Variants in ACBD4 observed in about 807,000 individuals in gnomAD.
ACBD4 encodes acyl-CoA binding domain containing 4, also known as acyl-CoA-binding domain-containing protein 4.
In ACBD4, 41 loss-of-function variants were observed where a neutral mutation model predicts 46.0. The observed-to-expected ratio is 0.89, with a 90% CI of 0.69 to 1.16. ACBD4 has a LOEUF of 1.16. ACBD4 is among the 50% of genes most tolerant of loss of function. ACBD4 has a pLI of 0.00. For missense variants in ACBD4, 393 were observed against 399.5 expected (o/e 0.98, Z 0.14); for synonymous variants, 162 against 155.9 (o/e 1.04, Z -0.29).
rs369967440 is a variant in ACBD4, at chr17:45,137,156, G to A, written c.415+17G>A. Reference sequence around the variant, plus strand: ...GGGTCACAGGTCAGACTCCCAGGCTGGGAGCTCCAAAAGTGCTGAGTGAAC... The same window carrying A: ...GGGTCACAGGTCAGACTCCCAGGCTAGGAGCTCCAAAAGTGCTGAGTGAAC... On this transcript the variant is annotated intron_variant, in intron 5 of 9. Coordinates refer to ENST00000321854, the MANE Select transcript of ACBD4 (RefSeq NM_001135705.3). 3.7e-6 allele frequency: 6 copies of A among 1,613,826 alleles called. No individual in the cohort carries two copies. In the African/African-American group the frequency reaches 6.7e-5, roughly 18 times the overall value.
Position 45,143,813 on chromosome 17 carries a change from A to G in ACBD4, c.*242A>G. 1 of 626,640 alleles carries G rather than the reference A, an allele frequency of 1.6e-6. No homozygotes were observed. Among genetic ancestry groups the G allele is most frequent in the South Asian group, 2.1e-5 (1 of 48,168 alleles). 38.8% of individuals were successfully genotyped at this position (626,640 alleles called of 1,614,324 possible). A position where few individuals can be genotyped will look rare whatever the true frequency, so the allele number is the denominator to read the frequency against. On this transcript the variant is annotated 3_prime_UTR_variant, in exon 10 of 10. Coordinates refer to ENST00000321854, the MANE Select transcript of ACBD4 (RefSeq NM_001135705.3). ...CCCTGGGAGGCTGCAGTTGTGGTAC[A>G]CGTCCCCGGTGCTGGGTTGGCCGTG... is the stretch of plus-strand genomic sequence containing the variant.
chr17:45,139,080 G>C lies in ACBD4; in HGVS notation c.709G>C (p.Val237Leu), dbSNP rs762429455. 1 of 1,613,896 alleles carries C rather than the reference G, an allele frequency of 6.2e-7. No homozygotes were observed. Among genetic ancestry groups the C allele is most frequent in the Non-Finnish European group, 8.5e-7 (1 of 1,180,028 alleles). ...QELDVWLLGT[V>L]RALQESMQEV... is the part of the protein sequence containing the mutation. ...GTTGGACGTGTGGCTGCTGGGGACA[G>C]TTCGAGCACTACAGGAGAGCATGCA... The change falls in exon 9 of 10, where the codon GTT becomes CTT. Residue 237 changes from valine (V) to leucine (L), a missense_variant. Val to Leu is a conservative substitution (Grantham distance 32). Coordinates refer to ENST00000321854, the MANE Select transcript of ACBD4 (RefSeq NM_001135705.3).
upstream of ACBD4, among the ~76,000 whole-genome samples, chr17:45,134,067 T>C (rs1376834471): frequency 1.3e-5 from 2 of 152,224 alleles, no homozygotes; most frequent in Admixed American, 6.5e-5. Context: ...ATCAAGGTAA[T>C]TGAAGTAACC....
intron 9 of ACBD4, chr17:45,142,554 CTTTTTTTTTT>C: frequency 5.9e-6 from 1 of 170,498 alleles, no homozygotes; most frequent in Admixed American, 7.1e-5. Flanking sequence ...CACAGTAATT[CTTTTTTTTTT>C]TTTTTTTTTG....
intron 8 of ACBD4, among the ~76,000 whole-genome samples, chr17:45,138,736 C>T (rs906501309): frequency 2.7e-5 from 4 of 150,852 alleles, no homozygotes; most frequent in African/African-American, 7.3e-5. Flanking sequence ...TGCAGTGAGC[C>T]GAGGTCATTG....
Position 45,136,101 on chromosome 17 carries a change from C to A in ACBD4, c.-37-7C>A. ...AGGCCCCCTCACACGAAGGCTGCTT[C>A]TTGCAGAGTCGCTCAAAAGTAGGGC... On this transcript the variant is annotated splice_region_variant and splice_polypyrimidine_tract_variant and intron_variant, in intron 1 of 9. Coordinates refer to ENST00000321854, the MANE Select transcript of ACBD4 (RefSeq NM_001135705.3). 1 of 1,603,682 alleles carries A rather than the reference C, an allele frequency of 6.2e-7. No homozygotes were observed. The highest frequency in any genetic ancestry group is 1.1e-5 in the South Asian group (1 of 90,760).
Position 45,137,025 on chromosome 17 carries a change from G to A in ACBD4, c.301G>A (p.Asp101Asn), listed in dbSNP as rs1169003693. 1.1e-5 allele frequency: 18 copies of A among 1,613,966 alleles called. No individual in the cohort carries two copies. The highest frequency in any genetic ancestry group is 4.5e-5 in the East Asian group (2 of 44,898). ...CAGACCCCCTCCCCTACAGGTGATC[G>A]ACACAGTGCCCCTGGGTGAGGTGGC... is the stretch of plus-strand genomic sequence containing the variant. ...EMKLVAQKVI[D>N]TVPLGEVAED... The change falls in exon 5 of 10, where the codon GAC becomes AAC. Residue 101 changes from aspartate (D) to asparagine (N), a missense_variant. Physicochemically the swap from Asp to Asn is conservative, Grantham distance 23. Coordinates refer to ENST00000321854, the MANE Select transcript of ACBD4 (RefSeq NM_001135705.3).
At chr17:45,138,194 G>C (rs1025056689) in intron 8 of ACBD4, 1 of 620,974 alleles carries the variant, frequency 1.6e-6, no homozygotes, top group Non-Finnish European at 2.8e-6. Flanking sequence ...CTCCCCAAAG[G>C]GCACCCAGGA....
At chr17:45,139,633 G>T (rs2055137083) in intron 9 of ACBD4, among the ~76,000 whole-genome samples, 1 of 152,162 alleles carries the variant, frequency 6.6e-6, no homozygotes, top group African/African-American at 2.4e-5. Flanking sequence ...GCCATTGCTG[G>T]AGCCCCGCTG....
chr17:45,142,554 C>CTTTT (rs531814036), intron 9 of ACBD4: 10 of 170,928 alleles, frequency 5.9e-5, no homozygotes, highest in South Asian at 1.2e-4. Context: ...CACAGTAATT[C>CTTTT]TTTTTTTTTT....
chr17:45,134,193 C>T (rs2054642178), upstream of ACBD4, among the ~76,000 whole-genome samples: 1 of 152,158 alleles, frequency 6.6e-6, no homozygotes, highest in Non-Finnish European at 1.5e-5. Flanking sequence ...CTTGGTTGCC[C>T]AGGGTGGAGT....
intron 6 of ACBD4, 33 bp downstream of exon 6, chr17:45,137,487 T>A: frequency 5.1e-6 from 8 of 1,577,066 alleles, no homozygotes; most frequent in East Asian, 2.2e-5. Flanking sequence ...TGGACCAAAC[T>A]CAGGCTGGGG....
chr17:45,138,921 C>A, intron 8 of ACBD4, 100 bp from the exon 9 acceptor site: 1 of 1,295,860 alleles, frequency 7.7e-7, no homozygotes, highest in Non-Finnish European at 1.1e-6. Flanking sequence ...CGACTGGGTT[C>A]CACTCCTACA....
intron 8 of ACBD4, chr17:45,138,225 C>T (rs2055001134): frequency 3.4e-6 from 2 of 588,608 alleles, no homozygotes; most frequent in Non-Finnish European, 6.1e-6. Flanking sequence ...TCTGCAGGTC[C>T]TGAGTAAGGC....
Position 45,137,441 on chromosome 17 carries a change from A to AC in ACBD4, c.494dup (p.Ser166LysfsTer17). On this transcript the variant is annotated frameshift_variant, in exon 6 of 10. Coordinates refer to ENST00000321854, the MANE Select transcript of ACBD4 (RefSeq NM_001135705.3). LOFTEE classifies it high-confidence loss of function. ...CTCCCTGCCTCCCCAAGGAACCGGCACCCCCAAGCCCAGGTTAGTGCTTGA... is the reference window on the plus strand; with the variant it reads ...CTCCCTGCCTCCCCAAGGAACCGGCACCCCCCAAGCCCAGGTTAGTGCTTGA... 2 of 1,613,624 alleles carry AC rather than the reference A, an allele frequency of 1.2e-6. No homozygotes were observed. Among genetic ancestry groups the AC allele is most frequent in the Non-Finnish European group, 1.7e-6 (2 of 1,179,926 alleles).
chr17:45,141,254 C>T (rs1179963306), intron 9 of ACBD4, among the ~76,000 whole-genome samples: 1 of 152,208 alleles, frequency 6.6e-6, no homozygotes, highest in Non-Finnish European at 1.5e-5. Flanking sequence ...CTTCTCCTTG[C>T]TATTGACTTG....
Position 45,143,588 on chromosome 17 carries a change from C to G in ACBD4, c.*17C>G. 5 of 1,614,040 alleles carry G rather than the reference C, an allele frequency of 3.1e-6. No individual in the cohort carries two copies. In the South Asian group the frequency reaches 3.3e-5, roughly 11 times the overall value. On this transcript the variant is annotated 3_prime_UTR_variant, in exon 10 of 10. Coordinates refer to ENST00000321854, the MANE Select transcript of ACBD4 (RefSeq NM_001135705.3). ...AAGAGGTGACTGTCAGTGGAGGGGT[C>G]TCTGCAGCCAACTGAGACTATCTTG...
In ACBD4 at chr17:45,136,250, C is replaced by A; in HGVS notation, c.88+18C>A. 6.2e-7 allele frequency: 1 copy of A among 1,610,998 alleles called. No individual in the cohort carries two copies. Among genetic ancestry groups the A allele is most frequent in the Non-Finnish European group, 8.5e-7 (1 of 1,178,584 alleles). On this transcript the variant is annotated intron_variant, in intron 2 of 9. Transcript: ENST00000321854. ...CAAGAACGGTGAGGCTGCGGGGACT[C>A]GCATTTGGACTCGCATTCAGGACGC...
chr17:45,137,188 A>G (rs975221048), intron 5 of ACBD4, 49 bp downstream of exon 5: 2 of 1,611,396 alleles, frequency 1.2e-6, no homozygotes, highest in African/African-American at 2.7e-5. Context: ...GAACCGTCTT[A>G]GGTCTAGGCT....
Sources: allele counts gnomAD v4.1 joint callset (sites outside exome capture counted in the v4.1 genomes callset), GRCh38; gene constraint gnomAD v4.1.1; transcripts MANE v1.5; gene names NCBI Gene and HGNC (gene_info 2026-07-23, HGNC 2026-07-21).